Variants in JAK1 observed in about 807,000 individuals in gnomAD.
The protein encoded by JAK1 is tyrosine-protein kinase JAK1.
JAK1 carries 16 observed loss-of-function variants against 136.6 expected under a neutral mutation model. The observed-to-expected ratio is 0.12, with a 90% confidence interval of 0.08 to 0.18. The LOEUF is 0.18. JAK1 is among the 10% of genes least tolerant of loss of function. The pLI is 1.00. For missense variants in JAK1, 859 were observed against 1,450.1 expected (o/e 0.59, Z 6.62); for synonymous variants, 492 against 519.5 (o/e 0.95, Z 0.72).
At chr1:65,024,916 G>A (rs1646965545) in intron 2 of JAK1, among the ~76,000 whole-genome samples, 3 of 152,146 alleles carry the variant, frequency 2.0e-5, no homozygotes, top group African/African-American at 7.2e-5. Context: ...GGTAGAGGAT[G>A]CAGTGAGCCG....
rs992898862 is a variant in JAK1 at position 64,854,245 on chromosome 1, G to T, written c.1648+1264C>A. 2.6e-5 allele frequency among the ~76,000 whole-genome samples: 4 copies of T among 152,164 alleles called. No individual in the cohort carries two copies. The South Asian group carries it at 8.3e-4, about 32-fold the overall frequency. ...CTGCTTCCTCTGCCCACTCCTGGTG[G>T]TGTGAGGGTTTATGGACACGTTCGC... is the stretch of plus-strand genomic sequence containing the variant. On this transcript the variant is annotated intron_variant, in intron 11 of 24. Transcript: ENST00000342505.
intron 2 of JAK1, among the ~76,000 whole-genome samples, chr1:65,024,931 C>A (rs1053208250): frequency 6.6e-6 from 1 of 152,072 alleles, no homozygotes. Flanking sequence ...GAGCCGAGAT[C>A]GTGCCATTGC....
intron 10 of JAK1, 113 bp downstream of exon 10, chr1:64,857,543 G>A (rs1037938671): frequency 7.1e-7 from 1 of 1,412,214 alleles, no homozygotes; most frequent in African/African-American, 1.4e-5. Context: ...AGAGACCCAG[G>A]CTTTTCAGTT....
At chr1:64,893,379 T>C (rs903709701) in intron 1 of JAK1, among the ~76,000 whole-genome samples, 4 of 151,986 alleles carry the variant, frequency 2.6e-5, no homozygotes, top group African/African-American at 9.7e-5. Context: ...TTAACCTCTC[T>C]GAGCTCAAAC....
At chr1:65,051,939 A>C (rs1470533799) in intron 1 of JAK1, among the ~76,000 whole-genome samples, 1 of 152,080 alleles carries the variant, frequency 6.6e-6, no homozygotes, top group East Asian at 1.9e-4. Flanking sequence ...AACCCAGCTG[A>C]GAATGTTCCA....
intron 1 of JAK1, among the ~76,000 whole-genome samples, chr1:64,896,512 G>A (rs1645015411): frequency 6.6e-6 from 1 of 152,228 alleles, no homozygotes; most frequent in Non-Finnish European, 1.5e-5. Flanking sequence ...ATGGTAGGAT[G>A]TAAATAACTA....
In JAK1 at chr1:64,953,919, C is replaced by T. The variant is rs186543674; in HGVS notation, c.-78+12414G>A. 3.8e-3 allele frequency among the ~76,000 whole-genome samples: 578 copies of T among 152,326 alleles called. 2 individuals carry two copies. The highest frequency in any genetic ancestry group is 6.4e-3 in the Non-Finnish European group (438 of 68,036). ...TGAACTCCTGACCTCAAGTGATCTG[C>T]CTGCCTTGGCCTCCCAATGTGCTGG... On this transcript the variant is annotated intron_variant, in intron 1 of 24. Coordinates refer to ENST00000342505, the MANE Select transcript of JAK1 (RefSeq NM_002227.4).
chr1:64,880,974 T>C (rs148904056), intron 3 of JAK1, among the ~76,000 whole-genome samples: 4 of 151,764 alleles, frequency 2.6e-5, no homozygotes, highest in Non-Finnish European at 4.4e-5. Context: ...AATAAATAAA[T>C]AAATAATTTT....
At chr1:65,015,544 T>G (rs1646885713) in intron 2 of JAK1, among the ~76,000 whole-genome samples, 1 of 151,532 alleles carries the variant, frequency 6.6e-6, no homozygotes, top group South Asian at 2.1e-4. Context: ...GAAAGCAAAA[T>G]GTAAAGTGAT....
intron 1 of JAK1, among the ~76,000 whole-genome samples, chr1:64,931,465 C>A (rs143181323): frequency 1.3e-5 from 2 of 152,146 alleles, no homozygotes; most frequent in East Asian, 3.9e-4. Context: ...CCCCCAGCAA[C>A]AGGGTGAAAA....
At chr1:64,854,699 T>A (rs1027478942) in intron 11 of JAK1, among the ~76,000 whole-genome samples, 2 of 151,770 alleles carry the variant, frequency 1.3e-5, no homozygotes, top group Non-Finnish European at 2.9e-5. Context: ...TCCATTTCAC[T>A]CCCTGATCCT....
intron 1 of JAK1, among the ~76,000 whole-genome samples, chr1:65,058,171 C>A (rs1647633614): frequency 6.6e-6 from 1 of 152,142 alleles, no homozygotes; most frequent in African/African-American, 2.4e-5. Flanking sequence ...AATACTAATT[C>A]ATACTTACCT....
At chr1:64,901,199 C>A (rs1479751711) in intron 1 of JAK1, among the ~76,000 whole-genome samples, 1 of 152,194 alleles carries the variant, frequency 6.6e-6, no homozygotes, top group Non-Finnish European at 1.5e-5. Context: ...AATGTTTAAA[C>A]ATTTCCTTCC....
At chr1:65,022,390 A>C (rs1301421643) in intron 2 of JAK1, among the ~76,000 whole-genome samples, 1 of 152,182 alleles carries the variant, frequency 6.6e-6, no homozygotes, top group Non-Finnish European at 1.5e-5. Flanking sequence ...ATCACCAACA[A>C]AATGGATATT....
rs35209394 is a variant in JAK1 at position 64,833,868 on chromosome 1, G to GAATT, written c.*690_*693dup. 111,599 of 231,916 alleles carry GAATT rather than the reference G, an allele frequency of 0.48. 29,805 individuals carry two copies. The highest frequency in any genetic ancestry group is 0.77 in the African/African-American group (34,583 of 45,136). 14.4% of individuals were successfully genotyped at this position (231,916 alleles called of 1,614,324 possible). ...GCACTGGCACAGGCTTAGTTCTTGA[G>GAATT]AATTAACATGCAGCAAATTATCTAT... is the stretch of plus-strand genomic sequence containing the variant. On this transcript the variant is annotated 3_prime_UTR_variant, in exon 25 of 25. Coordinates refer to ENST00000342505, the MANE Select transcript of JAK1 (RefSeq NM_002227.4).
In JAK1 at chr1:64,913,683, G is replaced by GGAAA. The variant is rs1557686591; in HGVS notation, c.-77-27343_-77-27342insTTTC. ...AGGAAGGAAGGAAGGAAGGAAGGAA[G>GGAAA]GAAGGAAGGAAGGAAGGAAAGAAGG... is the stretch of plus-strand genomic sequence containing the variant. On this transcript the variant is annotated intron_variant, in intron 1 of 24. Coordinates refer to ENST00000342505, the MANE Select transcript of JAK1 (RefSeq NM_002227.4). Among the ~76,000 whole-genome samples, 43 of 38,088 alleles carry GGAAA rather than the reference G, an allele frequency of 1.1e-3. 1 individual carries two copies. The highest frequency in any genetic ancestry group is 2.7e-3 in the African/African-American group (33 of 12,150). The allele number at this position is 38,088 out of a possible 152,430, so 25.0% of individuals were successfully genotyped here. A position where few individuals can be genotyped will look rare whatever the true frequency, so the allele number is the denominator to read the frequency against.
chr1:64,876,199 G>A (rs1644660333), intron 4 of JAK1: 1 of 152,340 alleles, frequency 6.6e-6, no homozygotes, highest in South Asian at 2.1e-4. Context: ...GGAAAAGGCA[G>A]ATGTTCCCTG....
intron 2 of JAK1, among the ~76,000 whole-genome samples, chr1:64,982,860 TCA>T (rs1398107897): frequency 2.0e-5 from 3 of 152,162 alleles, no homozygotes; most frequent in Non-Finnish European, 4.4e-5. Context: ...ATGAAAATAT[TCA>T]CAGTCTGGTC....
intron 1 of JAK1, chr1:65,067,595 C>A (rs974206767): frequency 6.8e-6 from 1 of 147,662 alleles, no homozygotes; most frequent in African/African-American, 2.4e-5. Flanking sequence ...CCGCCGCCCC[C>A]ACACCCACCT....
Sources: allele counts gnomAD v4.1 joint callset (sites outside exome capture counted in the v4.1 genomes callset), GRCh38; gene constraint gnomAD v4.1.1; transcripts MANE v1.5; gene names NCBI Gene and HGNC (gene_info 2026-07-23, HGNC 2026-07-21).